Variants in ABL1 observed in about 807,000 individuals in gnomAD.
ABL1 encodes tyrosine-protein kinase ABL1.
A neutral mutation model predicts 94.7 loss-of-function variants in ABL1; 11 were observed. The observed-to-expected ratio is 0.12, with a 90% CI of 0.07 to 0.19. ABL1 has a LOEUF of 0.19. ABL1 is among the 10% of genes least tolerant of loss of function. The pLI is 1.00. For synonymous variants in ABL1, 656 were observed against 622.4 expected (o/e 1.05, Z -0.80); for missense variants, 1,082 against 1,489.4 (o/e 0.73, Z 4.50).
intron 1 of ABL1, among the ~76,000 whole-genome samples, chr9:130,797,820 G>C (rs1245624672): frequency 6.6e-6 from 1 of 152,126 alleles, no homozygotes; most frequent in Non-Finnish European, 1.5e-5. Context: ...AGAAGAACAC[G>C]GGATATTCTT....
intron 1 of ABL1, among the ~76,000 whole-genome samples, chr9:130,729,093 G>T (rs1444235562): frequency 6.6e-6 from 1 of 152,118 alleles, no homozygotes; most frequent in East Asian, 1.9e-4. Flanking sequence ...GTTAGTATGG[G>T]TTTATCCTTG....
At chr9:130,877,605 G>A (rs973661244) in intron 7 of ABL1, among the ~76,000 whole-genome samples, 1 of 147,184 alleles carries the variant, frequency 6.8e-6, no homozygotes, top group Non-Finnish European at 1.5e-5. Context: ...TGTTTGTGGG[G>A]TAAGTTTACT....
intron 3 of ABL1, among the ~76,000 whole-genome samples, chr9:130,861,410 A>G (rs1348544682): frequency 6.6e-6 from 1 of 152,204 alleles, no homozygotes; most frequent in Admixed American, 6.5e-5. Flanking sequence ...GAGAGTTGTC[A>G]ATGGGACTAA....
chr9:130,797,359 A>G (rs756040406), intron 1 of ABL1, among the ~76,000 whole-genome samples: 1 of 151,480 alleles, frequency 6.6e-6, no homozygotes, highest in Non-Finnish European at 1.5e-5. Context: ...ATTTTAATGA[A>G]TAGGATACTT....
At chr9:130,834,735 C>T, upstream of ABL1, 2 of 399,420 alleles carry the variant, frequency 5.0e-6, no homozygotes, top group Non-Finnish European at 1.0e-5. Context: ...GTCGTGCGCA[C>T]GTGTGGTTGT....
At position 130,769,061 on chromosome 9, in the gene ABL1, G is replaced by A. The variant is rs1438722023; in HGVS notation, c.136+54606G>A. On this transcript the variant is annotated intron_variant, in intron 1 of 10. Transcript: ENST00000372348. The stretch of plus-strand genomic sequence containing the variant: ...GGTGGGTATGGCCTGGGGACGTGAG[G>A]GGGAATTTTTCACTCTTTATTTCAC... 1.2e-4 allele frequency among the ~76,000 whole-genome samples: 19 copies of A among 152,222 alleles called. No homozygotes were observed. In the East Asian group the frequency reaches 3.7e-3, roughly 29 times the overall value.
At chr9:130,810,386 T>C (rs2132851824) in intron 1 of ABL1, among the ~76,000 whole-genome samples, 1 of 152,064 alleles carries the variant, frequency 6.6e-6, no homozygotes, top group Middle Eastern at 3.4e-3. Flanking sequence ...ATCCCAACTA[T>C]ACGGGAGGCT....
chr9:130,878,651 A>G, intron 8 of ABL1, 84 bp downstream of exon 8: 20 of 1,525,548 alleles, frequency 1.3e-5, no homozygotes, highest in Non-Finnish European at 1.8e-5. Context: ...CACAAAGTTG[A>G]AAGTTTTTCC....
intron 4 of ABL1, among the ~76,000 whole-genome samples, chr9:130,865,123 T>C (rs976376086): frequency 1.3e-5 from 2 of 152,218 alleles, no homozygotes; most frequent in South Asian, 2.1e-4. Context: ...CCTTTCAGAA[T>C]GTGCTTTACT....
chr9:130,813,581 A>G (rs1393017266), intron 1 of ABL1, among the ~76,000 whole-genome samples: 5 of 151,390 alleles, frequency 3.3e-5, no homozygotes, highest in South Asian at 2.1e-4. Flanking sequence ...AAAAAAAAAA[A>G]AAAAGAAAGT....
At chr9:130,881,196 T>C (rs979307238) in intron 10 of ABL1, among the ~76,000 whole-genome samples, 1 of 152,246 alleles carries the variant, frequency 6.6e-6, no homozygotes, top group African/African-American at 2.4e-5. Context: ...CTCAAGACAC[T>C]AGCAAAAATA....
intron 1 of ABL1, among the ~76,000 whole-genome samples, chr9:130,780,528 G>C (rs1829742648): frequency 6.6e-6 from 1 of 152,168 alleles, no homozygotes; most frequent in Non-Finnish European, 1.5e-5. Flanking sequence ...TTTTTGGATA[G>C]TGCTCACCTC....
At chr9:130,732,627 C>T (rs964207442) in intron 1 of ABL1, among the ~76,000 whole-genome samples, 1 of 152,100 alleles carries the variant, frequency 6.6e-6, no homozygotes, top group African/African-American at 2.4e-5. Flanking sequence ...TTTGTTCTAT[C>T]CACTTGGGAT....
chr9:130,767,099 G>A (rs964116781), intron 1 of ABL1, among the ~76,000 whole-genome samples: 1 of 152,158 alleles, frequency 6.6e-6, no homozygotes, highest in Non-Finnish European at 1.5e-5. Context: ...GACCCATGCA[G>A]GCCCCAGCTC....
At chr9:130,738,434 A>C (rs1315967616) in intron 1 of ABL1, among the ~76,000 whole-genome samples, 1 of 152,226 alleles carries the variant, frequency 6.6e-6, no homozygotes, top group African/African-American at 2.4e-5. Flanking sequence ...TATTTCTTGA[A>C]AAGCTCATTA....
chr9:130,777,691 C>T (rs548188723), intron 1 of ABL1, among the ~76,000 whole-genome samples: 3 of 28,564 alleles, frequency 1.1e-4, no homozygotes, highest in Non-Finnish European at 2.2e-4. Flanking sequence ...TGTGTTGGGA[C>T]GCTGACACAC....
chr9:130,832,960 G>C (rs944107866), upstream of ABL1, among the ~76,000 whole-genome samples: 3 of 152,162 alleles, frequency 2.0e-5, no homozygotes, highest in Non-Finnish European at 4.4e-5. Flanking sequence ...TATTTTGTTA[G>C]ATCTGTTGAT....
intron 1 of ABL1, among the ~76,000 whole-genome samples, chr9:130,758,670 T>C (rs1832071926): frequency 6.6e-6 from 1 of 152,192 alleles, no homozygotes; most frequent in South Asian, 2.1e-4. Flanking sequence ...TGACCTCAAG[T>C]GATCCATCCA....
intron 8 of ABL1, among the ~76,000 whole-genome samples, chr9:130,879,332 A>G (rs1017550643): frequency 2.0e-5 from 3 of 152,002 alleles, no homozygotes; most frequent in African/African-American, 7.3e-5. Context: ...ATATATTCAG[A>G]TCTCTCCCTC....
Sources: gnomAD v4.1 joint callset for allele counts (sites outside exome capture counted in the v4.1 genomes callset) on GRCh38, gnomAD v4.1.1 for gene constraint, MANE v1.5 for transcripts, NCBI Gene and HGNC (gene_info 2026-07-23, HGNC 2026-07-21) for gene names.